HNRNPUL1: variants seen among roughly 807,000 people sequenced by gnomAD.
HNRNPUL1 encodes heterogeneous nuclear ribonucleoprotein U-like protein 1.
HNRNPUL1 carries 14 observed loss-of-function variants against 108.5 expected under a neutral mutation model. That is an observed-to-expected ratio of 0.13 (90% CI 0.09 to 0.20). The LOEUF (loss-of-function observed/expected upper bound fraction) is 0.20, where lower values mean the gene tolerates loss of function less well. Ranked by LOEUF, HNRNPUL1 falls within the 10% of genes least tolerant of loss-of-function variation. The pLI is 1.00. For synonymous variants in HNRNPUL1, 422 were observed against 445.2 expected, an observed-to-expected ratio of 0.95 and a Z score of 0.66; for missense variants, 804 against 1,168.3, an observed-to-expected ratio of 0.69 and a Z score of 4.55.
At chr19:41,285,457 G>C (rs933411978) in intron 7 of HNRNPUL1, among the ~76,000 whole-genome samples, 3 of 152,032 alleles carry the variant, frequency 2.0e-5, no homozygotes, top group African/African-American at 7.2e-5. Flanking sequence ...CGCCCTCCTT[G>C]ACCTCCCAAA....
intron 6 of HNRNPUL1, among the ~76,000 whole-genome samples, 184 bp downstream of exon 6, chr19:41,279,360 A>C (rs1187901014): frequency 3.9e-5 from 6 of 152,204 alleles, no homozygotes; most frequent in Non-Finnish European, 7.3e-5. Flanking sequence ...TGAGAGGACT[A>C]TGGTCATGAA....
chr19:41,284,181 GTTATGGTA>G (rs60315715), intron 7 of HNRNPUL1, among the ~76,000 whole-genome samples: 17,804 of 152,050 alleles, frequency 0.12, 1,352 homozygotes, highest in Non-Finnish European at 0.16. Flanking sequence ...GCAGAAAAAA[GTTATGGTA>G]TTACAAGAAA....
chr19:41,271,774 T>G (rs546196792), intron 2 of HNRNPUL1, among the ~76,000 whole-genome samples: 2 of 152,314 alleles, frequency 1.3e-5, no homozygotes, highest in East Asian at 3.9e-4. Flanking sequence ...AGTACCCTGT[T>G]GAATTCATCC....
intron 7 of HNRNPUL1, among the ~76,000 whole-genome samples, chr19:41,282,138 T>G (rs2035931041): frequency 6.6e-6 from 1 of 152,218 alleles, no homozygotes; most frequent in Non-Finnish European, 1.5e-5. Context: ...TTCTTTTGCC[T>G]TCCTTCATAT....
At chr19:41,301,455 C>A in intron 10 of HNRNPUL1, 81 bp from the exon 11 acceptor site, 1 of 1,186,398 alleles carries the variant, frequency 8.4e-7, no homozygotes, top group Admixed American at 2.3e-5. Context: ...TTCTCAGTCC[C>A]TGGCCTACAT....
chr19:41,268,204 T>C lies in HNRNPUL1; in HGVS notation c.296-19T>C. ...CATGAACCGCCCCTCTAATTGGCCA[T>C]TTTTAATTTTGTTTTAAGATGCCAT... On this transcript the variant is annotated intron_variant, in intron 1 of 14. Transcript: ENST00000392006. 1 of 1,611,584 alleles carries C rather than the reference T, an allele frequency of 6.2e-7. No homozygotes were observed. The highest frequency in any genetic ancestry group is 8.5e-7 in the Non-Finnish European group (1 of 1,178,886).
At chr19:41,265,608 G>T (rs2034783973) in intron 1 of HNRNPUL1, among the ~76,000 whole-genome samples, 1 of 152,156 alleles carries the variant, frequency 6.6e-6, no homozygotes, top group Non-Finnish European at 1.5e-5. Flanking sequence ...GGCTGGCGGG[G>T]GAGAGGATGC....
At chr19:41,264,322 A>G (rs1016038650), upstream of HNRNPUL1, 4 of 474,196 alleles carry the variant, frequency 8.4e-6, no homozygotes, top group African/African-American at 8.0e-5. Context: ...ATTGGCACTC[A>G]TGTAACATCG....
rs1017367046 is a variant in HNRNPUL1 at position 41,274,091 on chromosome 19, C to T, written c.646+36C>T. On this transcript the variant is annotated intron_variant, in intron 4 of 14. Transcript: ENST00000392006. ...GGAGTGTGCATCTAATTCTGCCTTACAGTCAGTATGGGGAAATTGTGGTCT... is the reference window on the plus strand; with the variant it reads ...GGAGTGTGCATCTAATTCTGCCTTATAGTCAGTATGGGGAAATTGTGGTCT... 4.5e-6 allele frequency: 7 copies of T among 1,550,020 alleles called. No homozygotes were observed. In the South Asian group the frequency reaches 7.8e-5, roughly 17 times the overall value.
rs1240374022 is a variant in HNRNPUL1 at position 41,303,999 on chromosome 19, A to G, written c.2000A>G (p.Tyr667Cys). ...TTCAACCGCAGCGGAGGTGGTGGCT[A>G]TAGCCAGAACCGCTGGGGTAACAAC... The part of the protein sequence containing the change: ...GGFNRSGGGG[Y>C]SQNRWGNNNR... Residue 667 changes from tyrosine to cysteine, a missense_variant, in exon 13 of 15, where the codon TAT becomes TGT. Transcript: ENST00000392006. The G allele has an allele frequency of 5.6e-6, 9 of 1,613,588 alleles. No homozygotes were observed. Among genetic ancestry groups the G allele is most frequent in the African/African-American group, 1.3e-5 (1 of 74,916 alleles).
chr19:41,274,609 T>G (rs2035436914), intron 4 of HNRNPUL1, among the ~76,000 whole-genome samples: 1 of 152,190 alleles, frequency 6.6e-6, no homozygotes, highest in Non-Finnish European at 1.5e-5. Flanking sequence ...TCTGAGCATT[T>G]GGAGGAATTA....
chr19:41,297,842 A>G (rs554047214), intron 10 of HNRNPUL1, among the ~76,000 whole-genome samples: 19 of 152,080 alleles, frequency 1.2e-4, no homozygotes, highest in Non-Finnish European at 7.4e-5. Context: ...TGAAACAGAA[A>G]CCCAGGGCTA....
chr19:41,275,662 A>G (rs1469000630), intron 4 of HNRNPUL1, among the ~76,000 whole-genome samples: 1 of 152,156 alleles, frequency 6.6e-6, no homozygotes, highest in African/African-American at 2.4e-5. Flanking sequence ...GCCAATTTGC[A>G]ATACTGCACA....
At chr19:41,302,393 A>G in intron 11 of HNRNPUL1, 1 of 438,722 alleles carries the variant, frequency 2.3e-6, no homozygotes, top group South Asian at 1.9e-5. Context: ...TAATTTTTGT[A>G]TTTTTAGTAG....
At chr19:41,263,873 GT>G (rs1477881000), upstream of HNRNPUL1, among the ~76,000 whole-genome samples, 2 of 152,092 alleles carry the variant, frequency 1.3e-5, no homozygotes, top group African/African-American at 4.8e-5. Context: ...TCTCTTTCCG[GT>G]TTCTTAAAGG....
intron 5 of HNRNPUL1, 91 bp from the exon 6 acceptor site, chr19:41,278,986 T>C: frequency 2.2e-6 from 2 of 893,024 alleles, no homozygotes; most frequent in East Asian, 4.8e-5. Context: ...ATTGCTATTT[T>C]TTAATGCCTG....
Position 41,304,010 on chromosome 19 carries a change from C to T in HNRNPUL1, c.2011C>T (p.Arg671Cys). Residue 671 changes from arginine (R) to cysteine (C), a missense_variant, in exon 13 of 15, where the codon CGC becomes TGC. Physicochemically the swap from Arg to Cys is radical, Grantham distance 180. Transcript: ENST00000392006. ...CGGAGGTGGTGGCTATAGCCAGAAC[C>T]GCTGGGGTAACAACAACCGGGATAA... ...RSGGGGYSQN[R>C]WGNNNRDNNN... 1.2e-6 allele frequency: 2 copies of T among 1,613,974 alleles called. No individual in the cohort carries two copies. Among genetic ancestry groups the T allele is most frequent in the African/African-American group, 1.3e-5 (1 of 75,024 alleles).
At chr19:41,289,833 C>G (rs548921754) in intron 7 of HNRNPUL1, among the ~76,000 whole-genome samples, 51 of 151,722 alleles carry the variant, frequency 3.4e-4, no homozygotes, top group African/African-American at 1.2e-3. Flanking sequence ...CTGCCTCAGC[C>G]TCCTGAGTAG....
intron 7 of HNRNPUL1, among the ~76,000 whole-genome samples, chr19:41,290,807 A>G (rs1283409666): frequency 2.6e-5 from 4 of 152,224 alleles, no homozygotes; most frequent in Non-Finnish European, 4.4e-5. Context: ...CTGTAATCCC[A>G]GCACTTTGGG....
Sources: gnomAD v4.1 joint callset for allele counts (sites outside exome capture counted in the v4.1 genomes callset) on GRCh38, gnomAD v4.1.1 for gene constraint, MANE v1.5 for transcripts, NCBI Gene and HGNC (gene_info 2026-07-23, HGNC 2026-07-21) for gene names.